The following ATP10D variants were observed in gnomAD, a reference collection of about 807,000 sequenced individuals.
ATP10D encodes phospholipid-transporting ATPase VD.
In ATP10D, 89 loss-of-function variants were observed where a neutral mutation model predicts 144.8. The ratio of observed to expected loss-of-function variants is 0.61; its 90% confidence interval spans 0.52 to 0.73. The LOEUF (loss-of-function observed/expected upper bound fraction) is 0.73, where lower values mean the gene tolerates loss of function less well. ATP10D is among the 30% of genes least tolerant of loss of function. The pLI, the probability that ATP10D is intolerant of heterozygous loss-of-function variation, is 0.00. For synonymous variants in ATP10D, 571 were observed against 615.1 expected (o/e 0.93, Z 1.06); for missense variants, 1,603 against 1,714.8 (o/e 0.93, Z 1.15).
At chr4:47,518,512 G>T (rs886232370) in intron 3 of ATP10D, among the ~76,000 whole-genome samples, 12 of 152,140 alleles carry the variant, frequency 7.9e-5, no homozygotes, top group Admixed American at 1.3e-4. Context: ...GGTAAGCACT[G>T]AGAGACTTAG....
rs1721126618 is a variant in ATP10D, at chr4:47,593,369, G to A, written c.*1988G>A. ...AAGCTATTTATGTACTTTGCTTAAT[G>A]TAATCATTCATATACTTTGCTACAA... On this transcript the variant is annotated 3_prime_UTR_variant, in exon 23 of 23. Coordinates refer to ENST00000273859, the MANE Select transcript of ATP10D (RefSeq NM_020453.4). 6.6e-6 allele frequency: 1 copy of A among 151,972 alleles called. No individual in the cohort carries two copies. Among genetic ancestry groups the A allele is most frequent in the African/African-American group, 2.4e-5 (1 of 41,388 alleles). The allele number at this position is 151,972 out of a possible 1,614,324, so 9.4% of individuals were successfully genotyped here. A position where few individuals can be genotyped will look rare whatever the true frequency, so the allele number is the denominator to read the frequency against.
chr4:47,540,484 C>T (rs1718083917), intron 9 of ATP10D, among the ~76,000 whole-genome samples: 1 of 152,066 alleles, frequency 6.6e-6, no homozygotes, highest in Non-Finnish European at 1.5e-5. Flanking sequence ...GATTAATATG[C>T]ATATTAAAAT....
At position 47,561,054 on chromosome 4, in the gene ATP10D, G is replaced by A. The variant is rs1577685570; in HGVS notation, c.2647G>A (p.Glu883Lys). The A allele has an allele frequency of 6.2e-7, 1 of 1,614,174 alleles. No individual in the cohort carries two copies. The highest frequency in any genetic ancestry group is 8.5e-7 in the Non-Finnish European group (1 of 1,180,016). Reference sequence around the variant, plus strand: ...ACTACTTGAATCTGCCATGAGGTTGGAGAACAAACTTACATTACTTGGTAG... The same window carrying A: ...ACTACTTGAATCTGCCATGAGGTTGAAGAACAAACTTACATTACTTGGTAG... ...ELLLESAMRL[E>K]NKLTLLGATG... The change falls in exon 14 of 23, where the codon GAG (glutamate) becomes AAG (lysine). Residue 883 changes from glutamate (E) to lysine (K), a missense_variant. Glu to Lys is a moderately conservative substitution (Grantham distance 56). Transcript: ENST00000273859.
At chr4:47,497,310 C>G (rs546035897) in intron 1 of ATP10D, among the ~76,000 whole-genome samples, 2 of 152,184 alleles carry the variant, frequency 1.3e-5, no homozygotes, top group Admixed American at 6.5e-5. Flanking sequence ...ACAGAATTAG[C>G]CGGGCGTGGT....
rs1184275465 is a variant in ATP10D, at chr4:47,580,462, T to A, written c.3632T>A (p.Phe1211Tyr). The A allele has an allele frequency of 6.2e-7, 1 of 1,612,846 alleles. No individual in the cohort carries two copies. The highest frequency in any genetic ancestry group is 8.5e-7 in the Non-Finnish European group (1 of 1,178,874). The stretch of plus-strand genomic sequence containing the variant: ...GCTTTTTATCAAAGCCTGGTCTGCT[T>A]CTTTGTGCCTTATTTTGTGAGTCTT... The part of the protein sequence containing the change: ...LDAFYQSLVC[F>Y]FVPYFTYQGS... The change falls in exon 20 of 23, where the codon TTC becomes TAC. Residue 1211 changes from phenylalanine to tyrosine, a missense_variant. By Grantham distance (22) the Phe-to-Tyr change is conservative. Transcript: ENST00000273859.
chr4:47,514,436 T>G lies in ATP10D; in HGVS notation c.291-1040T>G, dbSNP rs919253339. Among the ~76,000 whole-genome samples, 4 of 152,334 alleles carry G rather than the reference T, an allele frequency of 2.6e-5. No homozygotes were observed. The East Asian group carries it at 7.7e-4, about 29-fold the overall frequency. The stretch of plus-strand genomic sequence containing the variant: ...GCAGAAAGGGTTAAGAAAGAAATTT[T>G]CAGAGTAAAAAGATTTGGAGGTGAC... On this transcript the variant is annotated intron_variant, in intron 2 of 22. Transcript: ENST00000273859.
intron 14 of ATP10D, 84 bp downstream of exon 14, chr4:47,561,159 T>A: frequency 3.9e-6 from 6 of 1,522,560 alleles, no homozygotes. Context: ...TTTCTTCCAT[T>A]GTTATCTAAT....
rs1719269031 is a variant in ATP10D, at chr4:47,561,042, G to T, written c.2635G>T (p.Ala879Ser). The change falls in exon 14 of 23, where the codon GCC becomes TCC. Residue 879 changes from alanine (A) to serine (S), a missense_variant. Coordinates refer to ENST00000273859, the MANE Select transcript of ATP10D (RefSeq NM_020453.4). Reference protein sequence around the residue: ...DNREELLLESAMRLENKLTLL... With the variant: ...DNREELLLESSMRLENKLTLL... The stretch of plus-strand genomic sequence containing the variant: ...CAGGGAAGAATTACTACTTGAATCT[G>T]CCATGAGGTTGGAGAACAAACTTAC... The T allele has an allele frequency of 1.9e-6, 3 of 1,614,134 alleles. No individual in the cohort carries two copies. In the East Asian group the frequency reaches 6.7e-5, roughly 36 times the overall value.
intron 3 of ATP10D, among the ~76,000 whole-genome samples, chr4:47,516,696 G>T (rs564446350): frequency 2.0e-5 from 3 of 152,274 alleles, no homozygotes; most frequent in African/African-American, 7.2e-5. Context: ...ACAAGGAAAA[G>T]AACTTTATTT....
intron 3 of ATP10D, among the ~76,000 whole-genome samples, chr4:47,521,992 G>A (rs1402286695): frequency 1.3e-5 from 2 of 152,124 alleles, no homozygotes; most frequent in African/African-American, 2.4e-5. Flanking sequence ...ATTTGTGTAA[G>A]GTGTGATTGC....
Position 47,583,997 on chromosome 4 carries a change from A to G in ATP10D, c.3753+1933A>G, listed in dbSNP as rs1244862848. ...GAATCCTATTTCCCTAGCTTAAGTCACAGGCTTTGGCTAGGGGAGGAATAT... is the reference window on the plus strand; with the variant it reads ...GAATCCTATTTCCCTAGCTTAAGTCGCAGGCTTTGGCTAGGGGAGGAATAT... On this transcript the variant is annotated intron_variant, in intron 21 of 22. Coordinates refer to ENST00000273859, the MANE Select transcript of ATP10D (RefSeq NM_020453.4). Among the ~76,000 whole-genome samples the G allele has an allele frequency of 2.0e-5, 3 of 152,136 alleles. No homozygotes were observed. The East Asian group carries it at 5.8e-4, about 29-fold the overall frequency.
intron 18 of ATP10D, among the ~76,000 whole-genome samples, chr4:47,573,518 C>T (rs1441447254): frequency 6.6e-6 from 1 of 152,188 alleles, no homozygotes; most frequent in Non-Finnish European, 1.5e-5. Flanking sequence ...TGTATTTGTG[C>T]TCAGTAGTTA....
At chr4:47,517,708 T>C (rs1270570584) in intron 3 of ATP10D, among the ~76,000 whole-genome samples, 1 of 152,226 alleles carries the variant, frequency 6.6e-6, no homozygotes, top group Non-Finnish European at 1.5e-5. Context: ...CATCGAGTCA[T>C]TTCATTAACA....
chr4:47,581,310 A>T (rs1307347026), intron 20 of ATP10D, among the ~76,000 whole-genome samples: 1 of 152,244 alleles, frequency 6.6e-6, no homozygotes, highest in Admixed American at 6.5e-5. Flanking sequence ...GCTCATCCAC[A>T]TATACCCTTC....
chr4:47,519,534 T>C (rs1471963477), intron 3 of ATP10D, among the ~76,000 whole-genome samples: 1 of 152,234 alleles, frequency 6.6e-6, no homozygotes, highest in Non-Finnish European at 1.5e-5. Context: ...TGTAGCCTTA[T>C]GTTTCCATCT....
intron 1 of ATP10D, among the ~76,000 whole-genome samples, chr4:47,488,615 A>C (rs1321704993): frequency 5.5e-3 from 5 of 910 alleles, no homozygotes; most frequent in Admixed American, 0.053. Context: ...TAATAAGCAA[A>C]AAAAAAAAAA....
intron 9 of ATP10D, among the ~76,000 whole-genome samples, chr4:47,538,491 C>T (rs553735042): frequency 1.3e-5 from 2 of 152,100 alleles, no homozygotes; most frequent in Admixed American, 1.3e-4. Context: ...AGTTTTCTAT[C>T]ACTGCATAAC....
chr4:47,497,045 T>A (rs1194739542), intron 1 of ATP10D, among the ~76,000 whole-genome samples: 1 of 152,132 alleles, frequency 6.6e-6, no homozygotes, highest in African/African-American at 2.4e-5. Flanking sequence ...TTCACCACAT[T>A]GGCCAGGCTT....
intron 12 of ATP10D, among the ~76,000 whole-genome samples, chr4:47,558,681 G>A (rs11947712): frequency 0.13 from 19,840 of 152,230 alleles, 1,634 homozygotes; most frequent in Non-Finnish European, 0.19. Context: ...TGTTACTGTT[G>A]TTATTGATGA....
Sources: allele counts gnomAD v4.1 joint callset (sites outside exome capture counted in the v4.1 genomes callset), GRCh38; gene constraint gnomAD v4.1.1; transcripts MANE v1.5; gene names NCBI Gene and HGNC (gene_info 2026-07-23, HGNC 2026-07-21).